RNF169: variants seen among roughly 807,000 people sequenced by gnomAD.
RNF169 encodes E3 ubiquitin-protein ligase RNF169.
In RNF169, 24 loss-of-function variants were observed where a neutral mutation model predicts 53.9. The ratio of observed to expected loss-of-function variants is 0.45; its 90% CI spans 0.32 to 0.63. The LOEUF (loss-of-function observed/expected upper bound fraction) is 0.63. Ranked by LOEUF, RNF169 falls within the 20% of genes least tolerant of loss-of-function variation. The pLI is 0.04. For missense variants in RNF169, 883 were observed against 906.2 expected (o/e 0.97, Z 0.33); for synonymous variants, 396 against 363.5 (o/e 1.09, Z -1.02).
At chr11:74,823,934 C>G (rs1384764418) in intron 4 of RNF169, among the ~76,000 whole-genome samples, 2 of 152,036 alleles carry the variant, frequency 1.3e-5, no homozygotes, top group Non-Finnish European at 2.9e-5. Flanking sequence ...CAACAACAAA[C>G]CCAGGGGTGG....
intron 2 of RNF169, among the ~76,000 whole-genome samples, chr11:74,806,278 T>G (rs1374520600): frequency 6.6e-6 from 1 of 152,130 alleles, no homozygotes; most frequent in African/African-American, 2.4e-5. Flanking sequence ...AAATACAAAT[T>G]AAAATAATGC....
chr11:74,774,201 C>T (rs2035298422), intron 1 of RNF169, among the ~76,000 whole-genome samples: 1 of 151,898 alleles, frequency 6.6e-6, no homozygotes, highest in South Asian at 2.1e-4. Context: ...CACAAATTAG[C>T]CAGGCATGGT....
At chr11:74,790,986 C>CG (rs1360021824) in intron 2 of RNF169, among the ~76,000 whole-genome samples, 2 of 152,188 alleles carry the variant, frequency 1.3e-5, no homozygotes, top group African/African-American at 4.8e-5. Flanking sequence ...TCCTGCCATT[C>CG]GGCGGGTCCC....
Position 74,748,973 on chromosome 11 carries a change from G to T in RNF169, c.93G>T (p.Thr31=), listed in dbSNP as rs1228946062. The T allele has an allele frequency of 1.5e-5, 22 of 1,480,714 alleles. No individual in the cohort carries two copies. Among genetic ancestry groups the T allele is most frequent in the Admixed American group, 2.2e-5 (1 of 46,252 alleles). 91.7% of individuals were successfully genotyped at this position (1,480,714 alleles called of 1,614,324 possible). A position where few individuals can be genotyped will look rare whatever the true frequency, so the allele number is the denominator to read the frequency against. ...RRGRRGRCDE[T]AAAKTGAPGP... is the part of the protein sequence containing the mutation. ...GCCGGCGGGGCCGCTGTGACGAGAC[G>T]GCGGCAGCTAAGACTGGGGCCCCAG... The change falls in exon 1 of 6, where the codon ACG becomes ACT. Residue 31 remains threonine (T), a synonymous_variant. Coordinates refer to ENST00000299563, the MANE Select transcript of RNF169 (RefSeq NM_001098638.2).
intron 2 of RNF169, among the ~76,000 whole-genome samples, chr11:74,806,059 GAT>G (rs763568983): frequency 2.0e-5 from 3 of 151,800 alleles, no homozygotes; most frequent in Non-Finnish European, 4.4e-5. Flanking sequence ...ATACATATAA[GAT>G]ATATGTACAT....
intron 1 of RNF169, among the ~76,000 whole-genome samples, chr11:74,756,131 C>A (rs1031087995): frequency 2.0e-5 from 3 of 151,978 alleles, no homozygotes; most frequent in Non-Finnish European, 2.9e-5. Flanking sequence ...AATTTAGTAA[C>A]CATTTGAGGG....
chr11:74,822,275 C>T (rs1384849795), intron 4 of RNF169, among the ~76,000 whole-genome samples: 1 of 152,080 alleles, frequency 6.6e-6, no homozygotes, highest in African/African-American at 2.4e-5. Context: ...CCATTTGACA[C>T]CCTTTAAGCA....
At chr11:74,752,509 C>G (rs1218225761) in intron 1 of RNF169, among the ~76,000 whole-genome samples, 1 of 151,182 alleles carries the variant, frequency 6.6e-6, no homozygotes, top group Non-Finnish European at 1.5e-5. Context: ...AGGCAGGAGA[C>G]TCGCTTGAAC....
chr11:74,756,467 G>A (rs1489082631), intron 1 of RNF169, among the ~76,000 whole-genome samples: 1 of 152,094 alleles, frequency 6.6e-6, no homozygotes, highest in African/African-American at 2.4e-5. Context: ...AAAATCATAA[G>A]GTTGTTGTTA....
At chr11:74,761,503 C>T (rs1267634152) in intron 1 of RNF169, among the ~76,000 whole-genome samples, 1 of 149,334 alleles carries the variant, frequency 6.7e-6, no homozygotes, top group Non-Finnish European at 1.5e-5. Context: ...TTAGGGCAGG[C>T]CTGGTGGTGA....
At chr11:74,806,653 A>T (rs1331067726) in intron 2 of RNF169, among the ~76,000 whole-genome samples, 1 of 152,268 alleles carries the variant, frequency 6.6e-6, no homozygotes, top group Non-Finnish European at 1.5e-5. Context: ...TGCATGGATG[A>T]ATATCACAAA....
chr11:74,766,614 A>G (rs1565171833), intron 1 of RNF169, among the ~76,000 whole-genome samples: 2 of 152,180 alleles, frequency 1.3e-5, no homozygotes, highest in African/African-American at 4.8e-5. Flanking sequence ...AATAACTTCA[A>G]ATTTGTTCCA....
In RNF169 at chr11:74,749,050, C is replaced by CGCCGCT. The variant is rs1465270478; in HGVS notation, c.176_181dup (p.Leu59_Pro60dup). 8 of 1,467,650 alleles carry CGCCGCT rather than the reference C, an allele frequency of 5.5e-6. No homozygotes were observed. The African/African-American group carries it at 1.2e-4, about 22-fold the overall frequency. 90.9% of individuals were successfully genotyped at this position (1,467,650 alleles called of 1,614,324 possible). On this transcript the variant is annotated inframe_insertion, in exon 1 of 6. Transcript: ENST00000299563. The stretch of plus-strand genomic sequence containing the variant: ...GTGTTGTCGCCGCCGTTGCTGCAGC[C>CGCCGCT]GCCGCTGCCGCCGCGGCCGGAGGAA...
chr11:74,822,542 C>CTT (rs1425195781), intron 4 of RNF169, among the ~76,000 whole-genome samples: 1 of 152,170 alleles, frequency 6.6e-6, no homozygotes, highest in Non-Finnish European at 1.5e-5. Context: ...TGAGTCTGTT[C>CTT]TATGGCAGAG....
intron 1 of RNF169, among the ~76,000 whole-genome samples, chr11:74,785,212 T>TATATATATGATATATATATATG (rs1374817307): frequency 1.4e-5 from 1 of 73,874 alleles, no homozygotes; most frequent in African/African-American, 8.2e-5. Flanking sequence ...ATATATATGA[T>TATATATATGATATATATATATG]ATATATATGT....
intron 4 of RNF169, among the ~76,000 whole-genome samples, chr11:74,828,685 A>G (rs1233663461): frequency 6.6e-6 from 1 of 152,192 alleles, no homozygotes; most frequent in Non-Finnish European, 1.5e-5. Context: ...CAGAAATAAG[A>G]CCACATACCT....
chr11:74,762,612 G>A (rs1191394897), intron 1 of RNF169, among the ~76,000 whole-genome samples: 1 of 152,156 alleles, frequency 6.6e-6, no homozygotes, highest in East Asian at 1.9e-4. Context: ...GACCGGAGCT[G>A]TTCCTATTCG....
chr11:74,804,648 T>C (rs1007089180), intron 2 of RNF169, among the ~76,000 whole-genome samples: 1 of 152,222 alleles, frequency 6.6e-6, no homozygotes, highest in Non-Finnish European at 1.5e-5. Flanking sequence ...TTAGAAGTAG[T>C]TGGGTCTTTA....
intron 3 of RNF169, among the ~76,000 whole-genome samples, chr11:74,815,882 T>A (rs952336893): frequency 6.6e-6 from 1 of 152,218 alleles, no homozygotes; most frequent in African/African-American, 2.4e-5. Flanking sequence ...GAAATTGCCA[T>A]TATTCCCTAT....
Sources: gnomAD v4.1 joint callset for allele counts (sites outside exome capture counted in the v4.1 genomes callset) on GRCh38, gnomAD v4.1.1 for gene constraint, MANE v1.5 for transcripts, NCBI Gene and HGNC (gene_info 2026-07-23, HGNC 2026-07-21) for gene names.